ST3GAL5: variants seen among roughly 807,000 people sequenced by gnomAD.
ST3GAL5 encodes ST3 beta-galactoside alpha-2,3-sialyltransferase 5.
Under a neutral mutation model 46.1 loss-of-function variants are expected in ST3GAL5, and 25 were observed. The ratio of observed to expected loss-of-function variants is 0.54; its 90% CI spans 0.40 to 0.76. The LOEUF is 0.76. Among genes scored for constraint, ST3GAL5 ranks in the 30% least tolerant of loss-of-function variants. The pLI is 0.00. For missense variants in ST3GAL5, 431 were observed against 521.2 expected (o/e 0.83, Z 1.69); for synonymous variants, 182 against 192.7 (o/e 0.94, Z 0.46).
At position 85,847,888 on chromosome 2, in the gene ST3GAL5, G is replaced by A; in HGVS notation, c.635C>T (p.Thr212Ile). The A allele has an allele frequency of 6.2e-7, 1 of 1,614,012 alleles. No homozygotes were observed. ...GILHGLELGH[T>I]LNQFDVVIRL... ...TATCACAACATCGAACTGGTTCAGG[G>A]TGTGGCCCAGTTCTAATCCGTGCAG... Residue 212 changes from threonine (T) to isoleucine (I), a missense_variant, in exon 4 of 7, where the codon ACC becomes ATC. Thr to Ile is a moderately conservative substitution (Grantham distance 89, BLOSUM62 -1). Coordinates refer to ENST00000638572, the MANE Select transcript of ST3GAL5 (RefSeq NM_003896.4).
rs1231190923 is a variant in ST3GAL5 at position 85,888,892 on chromosome 2, G to A, written c.14C>T (p.Ala5Val). 6 of 1,372,726 alleles carry A rather than the reference G, an allele frequency of 4.4e-6. 1 individual carries two copies. The highest frequency in any genetic ancestry group is 5.7e-6 in the Non-Finnish European group (6 of 1,056,014). 85.0% of individuals were successfully genotyped at this position (1,372,726 alleles called of 1,614,324 possible). Reference protein sequence around the residue: MRTKAAGCAERRPLQ... With the variant: MRTKVAGCAERRPLQ... Reference sequence around the variant, plus strand: ...GGGACGCCGCTCCGCGCAGCCCGCCGCCTTCGTCCGCATACTAATGAGGGG... The same window carrying A: ...GGGACGCCGCTCCGCGCAGCCCGCCACCTTCGTCCGCATACTAATGAGGGG... Residue 5 changes from alanine to valine, a missense_variant, in exon 1 of 7, where the codon GCG becomes GTG. Transcript: ENST00000638572.
intron 1 of ST3GAL5, among the ~76,000 whole-genome samples, chr2:85,884,057 A>G (rs1378082282): frequency 2.6e-5 from 4 of 151,898 alleles, no homozygotes; most frequent in African/African-American, 9.7e-5. Context: ...CTCATTTACC[A>G]CCTCTAGGCC....
At chr2:85,852,689 C>G (rs1683653046) in intron 3 of ST3GAL5, among the ~76,000 whole-genome samples, 1 of 151,972 alleles carries the variant, frequency 6.6e-6, no homozygotes, top group Non-Finnish European at 1.5e-5. Flanking sequence ...TAATACTCAT[C>G]AAACAATGGG....
At position 85,845,862 on chromosome 2, in the gene ST3GAL5, G is replaced by GTT. The variant is rs58894264; in HGVS notation, c.849+514_849+515insAA. On this transcript the variant is annotated intron_variant, in intron 5 of 6. Coordinates refer to ENST00000638572, the MANE Select transcript of ST3GAL5 (RefSeq NM_003896.4). ...TTAAATTATAAACACCCTCACCACTGTCTCTACCAGGAATTCTCCAACCTG... is the reference window on the plus strand; with the variant it reads ...TTAAATTATAAACACCCTCACCACTGTTTCTCTACCAGGAATTCTCCAACCTG... The GTT allele has an allele frequency of 3.6e-3, 584 of 164,188 alleles. 1 individual carries two copies. The highest frequency in any genetic ancestry group is 0.013 in the African/African-American group (536 of 41,622). The allele number at this position is 164,188 out of a possible 1,614,324, so 10.2% of individuals were successfully genotyped here.
At chr2:85,875,123 G>A (rs889791485) in intron 1 of ST3GAL5, among the ~76,000 whole-genome samples, 14 of 152,138 alleles carry the variant, frequency 9.2e-5, no homozygotes, top group African/African-American at 3.4e-4. Context: ...GCAGTGGCGT[G>A]ATCACAGCTC....
intron 1 of ST3GAL5, among the ~76,000 whole-genome samples, chr2:85,869,871 C>T (rs1685721575): frequency 6.6e-6 from 1 of 152,144 alleles, no homozygotes; most frequent in African/African-American, 2.4e-5. Flanking sequence ...TCTGTTCTGG[C>T]ACTGCAGCTT....
chr2:85,881,906 G>A (rs1204313068), intron 1 of ST3GAL5, among the ~76,000 whole-genome samples: 4 of 152,250 alleles, frequency 2.6e-5, no homozygotes, highest in Non-Finnish European at 5.9e-5. Context: ...CAGGCAATGT[G>A]AGAGACCTTC....
chr2:85,861,764 T>C (rs375269270), intron 2 of ST3GAL5, among the ~76,000 whole-genome samples: 21 of 151,990 alleles, frequency 1.4e-4, no homozygotes, highest in African/African-American at 4.3e-4. Context: ...ACCCTTAAGA[T>C]GACCTAAAAA....
chr2:85,872,777 A>G (rs963689131), intron 1 of ST3GAL5, among the ~76,000 whole-genome samples: 1 of 152,132 alleles, frequency 6.6e-6, no homozygotes, highest in African/African-American at 2.4e-5. Context: ...ACAGGGACCT[A>G]CCATCCGTGG....
chr2:85,843,707 G>T (rs1682419666), intron 6 of ST3GAL5, among the ~76,000 whole-genome samples: 1 of 152,164 alleles, frequency 6.6e-6, no homozygotes, highest in African/African-American at 2.4e-5. Context: ...TCAAGAAGCC[G>T]CAAGTAATAA....
chr2:85,888,874 C>A lies in ST3GAL5; in HGVS notation c.32G>T (p.Arg11Leu). The A allele has an allele frequency of 1.5e-6, 2 of 1,368,724 alleles. No individual in the cohort carries two copies. The highest frequency in any genetic ancestry group is 2.7e-4 in the Middle Eastern group (1 of 3,648). 84.8% of individuals were successfully genotyped at this position (1,368,724 alleles called of 1,614,324 possible). Residue 11 changes from arginine (R) to leucine (L), a missense_variant, in exon 1 of 7, where the codon CGG (arginine) becomes CTG (leucine). Physicochemically the swap from Arg to Leu is moderately radical, Grantham distance 102. Coordinates refer to ENST00000638572, the MANE Select transcript of ST3GAL5 (RefSeq NM_003896.4). ...CTCGGTCCGCGGCTGCAGGGGACGC[C>A]GCTCCGCGCAGCCCGCCGCCTTCGT... MRTKAAGCAE[R>L]RPLQPRTEAA...
chr2:85,866,857 G>A (rs1056485962), intron 1 of ST3GAL5, among the ~76,000 whole-genome samples: 3 of 152,152 alleles, frequency 2.0e-5, no homozygotes, highest in Non-Finnish European at 2.9e-5. Flanking sequence ...GAAACATCTC[G>A]AATGGAATGA....
rs1683029359 is a variant in ST3GAL5 at position 85,848,091 on chromosome 2, A to G, written c.432T>C (p.Phe144=). ...EHRYSVDLLP[F]VQKAPKDSEA... ...CACTGTCTTTGGGGGCCTTCTGCAC[A>G]AAAGGGAGTAAGTCCACGCTATACC... Residue 144 remains phenylalanine (F), a synonymous_variant, in exon 4 of 7, where the codon TTT becomes TTC. Transcript: ENST00000638572. 1 of 1,614,216 alleles carries G rather than the reference A, an allele frequency of 6.2e-7. No individual in the cohort carries two copies. The highest frequency in any genetic ancestry group is 8.5e-7 in the Non-Finnish European group (1 of 1,180,042).
At chr2:85,858,097 T>C (rs573132217) in intron 3 of ST3GAL5, 2 of 152,328 alleles carry the variant, frequency 1.3e-5, no homozygotes, top group East Asian at 3.9e-4. Flanking sequence ...AGTTGGGGAC[T>C]GGTTAGGCTG....
At chr2:85,851,972 A>C (rs1296172328) in intron 3 of ST3GAL5, among the ~76,000 whole-genome samples, 1 of 152,264 alleles carries the variant, frequency 6.6e-6, no homozygotes. Context: ...GGTAGTGCCA[A>C]TTGTTAATGC....
intron 5 of ST3GAL5, chr2:85,845,885 C>G (rs1379627366): frequency 6.0e-6 from 1 of 165,350 alleles, no homozygotes; most frequent in African/African-American, 2.4e-5. Context: ...ATTCTCCAAC[C>G]TGCCCATGTG....
At chr2:85,878,469 T>C (rs1241011633) in intron 1 of ST3GAL5, among the ~76,000 whole-genome samples, 1 of 152,122 alleles carries the variant, frequency 6.6e-6, no homozygotes, top group Non-Finnish European at 1.5e-5. Flanking sequence ...TTCTCAATTC[T>C]CCCAGGAATG....
At chr2:85,847,102 A>C (rs1682887052) in intron 4 of ST3GAL5, among the ~76,000 whole-genome samples, 1 of 152,108 alleles carries the variant, frequency 6.6e-6, no homozygotes, top group African/African-American at 2.4e-5. Context: ...CCAGAAAACA[A>C]TTTTTAAACA....
chr2:85,859,640 G>A (rs1002944198), intron 3 of ST3GAL5, among the ~76,000 whole-genome samples: 2 of 152,182 alleles, frequency 1.3e-5, no homozygotes, highest in Non-Finnish European at 2.9e-5. Flanking sequence ...GCCAAGCTGT[G>A]CCTTTGCTAA....
Sources: allele counts gnomAD v4.1 joint callset (sites outside exome capture counted in the v4.1 genomes callset), GRCh38; gene constraint gnomAD v4.1.1; transcripts MANE v1.5; gene names NCBI Gene and HGNC (gene_info 2026-07-23, HGNC 2026-07-21).